The following ITFG1 variants were observed in gnomAD, a reference collection of about 807,000 sequenced individuals.
ITFG1 encodes integrin alpha FG-GAP repeat containing 1, also known as T-cell immunomodulatory protein.
In ITFG1, 34 loss-of-function variants were observed where a neutral mutation model predicts 81.8. The observed-to-expected ratio is 0.42, with a 90% CI of 0.32 to 0.55. ITFG1 has a LOEUF of 0.55. ITFG1 is among the 20% of genes least tolerant of loss of function. ITFG1 has a pLI of 0.17. For synonymous variants in ITFG1, 285 were observed against 270.6 expected, an observed-to-expected ratio of 1.05 and a Z score of -0.52; for missense variants, 672 against 755.4, an observed-to-expected ratio of 0.89 and a Z score of 1.29.
intron 6 of ITFG1, among the ~76,000 whole-genome samples, chr16:47,408,158 G>A (rs536989927): frequency 1.3e-4 from 20 of 152,318 alleles, no homozygotes; most frequent in African/African-American, 4.8e-4. Context: ...TATTATTTGA[G>A]TCTGGTGATC....
At chr16:47,403,078 T>C (rs1299482327) in intron 6 of ITFG1, among the ~76,000 whole-genome samples, 2 of 152,234 alleles carry the variant, frequency 1.3e-5, no homozygotes, top group African/African-American at 4.8e-5. Flanking sequence ...TATAGTAATG[T>C]AATAAGAACT....
chr16:47,255,140 CCA>C (rs1283410265), intron 12 of ITFG1, among the ~76,000 whole-genome samples: 7 of 152,010 alleles, frequency 4.6e-5, no homozygotes. Flanking sequence ...AGGAAAAATC[CCA>C]CAGTTATCTC....
chr16:47,253,039 C>T (rs1323817618), intron 12 of ITFG1, among the ~76,000 whole-genome samples: 1 of 152,098 alleles, frequency 6.6e-6, no homozygotes, highest in Non-Finnish European at 1.5e-5. Context: ...TTTTCTAAAA[C>T]TAAAACCTCC....
intron 8 of ITFG1, among the ~76,000 whole-genome samples, chr16:47,316,005 G>T (rs1464897029): frequency 6.6e-6 from 1 of 151,966 alleles, no homozygotes; most frequent in African/African-American, 2.4e-5. Context: ...TGTCCAGGCT[G>T]GTCTCAAAAT....
chr16:47,303,823 T>C (rs1967115078), intron 10 of ITFG1, among the ~76,000 whole-genome samples: 1 of 152,008 alleles, frequency 6.6e-6, no homozygotes, highest in African/African-American at 2.4e-5. Flanking sequence ...AGAGATGGGG[T>C]CCCACTATGT....
intron 6 of ITFG1, among the ~76,000 whole-genome samples, chr16:47,388,222 G>C (rs527711812): frequency 6.6e-6 from 1 of 152,230 alleles, no homozygotes; most frequent in Non-Finnish European, 1.5e-5. Context: ...AGTACACCAA[G>C]ATATACGTAA....
At chr16:47,157,417 T>A (rs543392333) in intron 17 of ITFG1, 2 of 152,302 alleles carry the variant, frequency 1.3e-5, no homozygotes, top group East Asian at 3.9e-4. Flanking sequence ...AGATACAGTA[T>A]ATATATAGTC....
chr16:47,447,329 G>C (rs1969336746), intron 5 of ITFG1, among the ~76,000 whole-genome samples: 1 of 152,058 alleles, frequency 6.6e-6, no homozygotes, highest in Non-Finnish European at 1.5e-5. Context: ...TTTCTCAAAA[G>C]AAGATGATCT....
chr16:47,241,898 G>A (rs1298339071), intron 12 of ITFG1, among the ~76,000 whole-genome samples: 3 of 151,238 alleles, frequency 2.0e-5, no homozygotes, highest in Non-Finnish European at 4.4e-5. Flanking sequence ...AGCTTGCAGT[G>A]AGCTGAGATC....
chr16:47,406,073 T>C (rs561643275), intron 6 of ITFG1, among the ~76,000 whole-genome samples: 9 of 152,346 alleles, frequency 5.9e-5, no homozygotes, highest in Admixed American at 3.9e-4. Flanking sequence ...TCAGAGAACA[T>C]AATGATAATA....
intron 10 of ITFG1, among the ~76,000 whole-genome samples, chr16:47,303,627 C>T (rs1264050902): frequency 6.6e-6 from 1 of 152,038 alleles, no homozygotes; most frequent in East Asian, 1.9e-4. Context: ...TTTTCTTTTT[C>T]CTTTTATTTC....
At chr16:47,438,282 A>C (rs910546864) in intron 5 of ITFG1, among the ~76,000 whole-genome samples, 6 of 152,196 alleles carry the variant, frequency 3.9e-5, no homozygotes, top group African/African-American at 1.4e-4. Context: ...CAAACAAAAG[A>C]CAGCAATAAC....
intron 8 of ITFG1, among the ~76,000 whole-genome samples, chr16:47,316,669 G>C (rs1346997571): frequency 6.6e-6 from 1 of 152,130 alleles, no homozygotes; most frequent in Non-Finnish European, 1.5e-5. Flanking sequence ...CTTTCATTTG[G>C]AATGTTTCCA....
intron 13 of ITFG1, among the ~76,000 whole-genome samples, chr16:47,228,932 T>C (rs569448804): frequency 3.6e-4 from 55 of 152,356 alleles, no homozygotes; most frequent in South Asian, 2.7e-3. Context: ...GTAATTTATT[T>C]TTCAAGTTTT....
chr16:47,179,609 A>G (rs1261717393), intron 14 of ITFG1, among the ~76,000 whole-genome samples: 6 of 151,918 alleles, frequency 3.9e-5, no homozygotes, highest in Admixed American at 1.3e-4. Context: ...TTTGATATGT[A>G]AAATATACCT....
At chr16:47,263,198 G>A (rs966225229) in intron 10 of ITFG1, 12 of 318,502 alleles carry the variant, frequency 3.8e-5, no homozygotes, top group African/African-American at 2.5e-4. Context: ...GGATAGGAGA[G>A]GCCCTGGCCT....
At chr16:47,274,454 A>G (rs1966376969) in intron 10 of ITFG1, among the ~76,000 whole-genome samples, 1 of 152,156 alleles carries the variant, frequency 6.6e-6, no homozygotes, top group Non-Finnish European at 1.5e-5. Flanking sequence ...AGAGAACAGA[A>G]CACTTAGACA....
At chr16:47,433,897 TATATA>T (rs1276538673) in intron 5 of ITFG1, among the ~76,000 whole-genome samples, 4 of 113,976 alleles carry the variant, frequency 3.5e-5, no homozygotes, top group Non-Finnish European at 6.9e-5. Flanking sequence ...TATATATATA[TATATA>T]TATAGTTGTC....
rs144395079 is a variant in ITFG1, at chr16:47,300,812, T to G, written c.1070+10428A>C. On this transcript the variant is annotated intron_variant, in intron 10 of 17. Coordinates refer to ENST00000320640, the MANE Select transcript of ITFG1 (RefSeq NM_030790.5). Reference sequence around the variant, plus strand: ...GAATTTCAGTTACTTATTTTCAGATTCTAGCATAATGCTCCTTTGTAAGTA... The same window carrying G: ...GAATTTCAGTTACTTATTTTCAGATGCTAGCATAATGCTCCTTTGTAAGTA... Among the ~76,000 whole-genome samples, 43 of 152,336 alleles carry G rather than the reference T, an allele frequency of 2.8e-4. No homozygotes were observed. The East Asian group carries it at 7.9e-3, about 28-fold the overall frequency.
Sources: gnomAD v4.1 joint callset for allele counts (sites outside exome capture counted in the v4.1 genomes callset) on GRCh38, gnomAD v4.1.1 for gene constraint, MANE v1.5 for transcripts, NCBI Gene and HGNC (gene_info 2026-07-23, HGNC 2026-07-21) for gene names.